The following CNTN5 variants were observed in gnomAD, a reference collection of about 807,000 sequenced individuals.
The protein encoded by CNTN5 is contactin-5.
In CNTN5, 77 loss-of-function variants were observed where a neutral mutation model predicts 129.1. That is an observed-to-expected ratio of 0.60 (90% CI 0.50 to 0.72). The LOEUF (loss-of-function observed/expected upper bound fraction) is 0.72, where lower values mean the gene tolerates loss of function less well. Among genes scored for constraint, CNTN5 ranks in the 30% least tolerant of loss-of-function variants. The pLI is 0.00. For missense variants in CNTN5, 1,478 were observed against 1,328.8 expected (o/e 1.11, Z -1.75); for synonymous variants, 509 against 465.6 (o/e 1.09, Z -1.20).
At chr11:100,039,311 G>T (rs550659046) in intron 9 of CNTN5, among the ~76,000 whole-genome samples, 1 of 152,134 alleles carries the variant, frequency 6.6e-6, no homozygotes, top group Non-Finnish European at 1.5e-5. Context: ...CTCTCTTCTG[G>T]CTTGTAGAGT....
intron 2 of CNTN5, among the ~76,000 whole-genome samples, chr11:99,418,284 A>C (rs936400886): frequency 4.6e-5 from 7 of 152,238 alleles, no homozygotes; most frequent in African/African-American, 1.7e-4. Context: ...AACAACTTTA[A>C]AAAAAAGGTA....
chr11:99,106,649 A>G (rs567495925), intron 1 of CNTN5, among the ~76,000 whole-genome samples: 1 of 152,102 alleles, frequency 6.6e-6, no homozygotes, highest in Non-Finnish European at 1.5e-5. Context: ...ATGAATTAAC[A>G]TATCTTAAAC....
rs536365211 is a variant in CNTN5, at chr11:99,206,420, C to T, written c.-209-118926C>T. Among the ~76,000 whole-genome samples the T allele has an allele frequency of 5.9e-5, 9 of 152,166 alleles. No individual in the cohort carries two copies. The East Asian group carries it at 1.4e-3, about 23-fold the overall frequency. The stretch of plus-strand genomic sequence containing the variant: ...CGTCTCAATGTAAACAAACAAAAAT[C>T]GGCTGCTTTATTTTGTGTGTCTTTT... On this transcript the variant is annotated intron_variant, in intron 1 of 24. Coordinates refer to ENST00000524871, the MANE Select transcript of CNTN5 (RefSeq NM_014361.4).
At chr11:99,155,074 T>A (rs924678702) in intron 1 of CNTN5, among the ~76,000 whole-genome samples, 2 of 152,074 alleles carry the variant, frequency 1.3e-5, no homozygotes, top group African/African-American at 4.8e-5. Context: ...CCAGGATCCA[T>A]GAGGTTCATT....
intron 7 of CNTN5, among the ~76,000 whole-genome samples, chr11:99,950,242 G>C (rs1422583278): frequency 1.3e-5 from 2 of 152,180 alleles, no homozygotes; most frequent in Non-Finnish European, 2.9e-5. Context: ...ATTTTGGAAG[G>C]CCGAGGCGGG....
intron 1 of CNTN5, among the ~76,000 whole-genome samples, chr11:99,038,838 T>C (rs1480131095): frequency 2.0e-5 from 3 of 151,906 alleles, no homozygotes; most frequent in African/African-American, 7.2e-5. Context: ...ATTCATTTTA[T>C]AATGAAAGAT....
Position 99,216,564 on chromosome 11 carries a change from A to G in CNTN5, c.-209-108782A>G, listed in dbSNP as rs115420900. On this transcript the variant is annotated intron_variant, in intron 1 of 24. Coordinates refer to ENST00000524871, the MANE Select transcript of CNTN5 (RefSeq NM_014361.4). Reference sequence around the variant, plus strand: ...TGATCTATCATATGCTGGATAATATAATCCATCATACGCTGGATAATATCT... The same window carrying G: ...TGATCTATCATATGCTGGATAATATGATCCATCATACGCTGGATAATATCT... Among the ~76,000 whole-genome samples, 611 of 152,136 alleles carry G rather than the reference A, an allele frequency of 4.0e-3. 5 individuals carry two copies. Among genetic ancestry groups the G allele is most frequent in the African/African-American group, 0.012 (508 of 41,442 alleles).
chr11:99,997,317 T>G (rs1010224491), intron 8 of CNTN5, among the ~76,000 whole-genome samples: 5 of 152,194 alleles, frequency 3.3e-5, no homozygotes, highest in African/African-American at 1.2e-4. Context: ...CTAGTTATTT[T>G]AATTGTGATG....
At chr11:99,029,288 A>T (rs747187639) in intron 1 of CNTN5, among the ~76,000 whole-genome samples, 1 of 152,036 alleles carries the variant, frequency 6.6e-6, no homozygotes, top group East Asian at 1.9e-4. Flanking sequence ...TCTTTAGAAC[A>T]TCAGCATTTA....
intron 1 of CNTN5, among the ~76,000 whole-genome samples, chr11:99,147,981 A>G (rs1042182193): frequency 1.3e-5 from 2 of 152,136 alleles, no homozygotes; most frequent in Non-Finnish European, 2.9e-5. Flanking sequence ...ACAGAATGGA[A>G]TAACTTTCCA....
At position 99,315,618 on chromosome 11, in the gene CNTN5, T is replaced by C. The variant is rs375761414; in HGVS notation, c.-209-9728T>C. 2.9e-4 allele frequency among the ~76,000 whole-genome samples: 44 copies of C among 149,782 alleles called. 3 individuals are homozygous for C. In the East Asian group the frequency reaches 7.1e-3, roughly 24 times the overall value. On this transcript the variant is annotated intron_variant, in intron 1 of 24. Transcript: ENST00000524871. Reference sequence around the variant, plus strand: ...TATTTTGTGTTGTTTTATTTCGCTTTAGCCAAGAATGCATAGGAAAAAATA... The same window carrying C: ...TATTTTGTGTTGTTTTATTTCGCTTCAGCCAAGAATGCATAGGAAAAAATA...
chr11:99,934,616 A>G (rs1004187464), intron 7 of CNTN5, among the ~76,000 whole-genome samples: 32 of 152,184 alleles, frequency 2.1e-4, no homozygotes, highest in African/African-American at 7.0e-4. Context: ...TGGGCGGGGC[A>G]TGGTTTCTCA....
intron 1 of CNTN5, among the ~76,000 whole-genome samples, chr11:99,234,716 T>C (rs1056936404): frequency 1.3e-5 from 2 of 151,790 alleles, no homozygotes; most frequent in African/African-American, 4.8e-5. Flanking sequence ...TATTTAAAAA[T>C]AAATAATAAT....
intron 16 of CNTN5, among the ~76,000 whole-genome samples, chr11:100,247,875 T>C (rs1949879353): frequency 6.6e-6 from 1 of 152,190 alleles, no homozygotes; most frequent in East Asian, 1.9e-4. Flanking sequence ...GGATGGTTCA[T>C]TGTAGATGAG....
intron 3 of CNTN5, among the ~76,000 whole-genome samples, chr11:99,597,370 G>A (rs1012964286): frequency 6.6e-6 from 1 of 152,120 alleles, no homozygotes; most frequent in Non-Finnish European, 1.5e-5. Flanking sequence ...GTAGTCTCTA[G>A]TAGAATAGAG....
At chr11:99,819,302 TCCCTCCCCTCTC>T (rs1946696730) in intron 3 of CNTN5, among the ~76,000 whole-genome samples, 4 of 4,812 alleles carry the variant, frequency 8.3e-4, no homozygotes, top group Non-Finnish European at 1.2e-3. Flanking sequence ...CTCCTCCCCT[TCCCTCCCCTCTC>T]CTCCCCTCCC....
chr11:99,761,473 G>T (rs1026873807), intron 3 of CNTN5, among the ~76,000 whole-genome samples: 7 of 151,616 alleles, frequency 4.6e-5, no homozygotes, highest in Admixed American at 4.0e-4. Flanking sequence ...TGTCCATGTG[G>T]TCTCATTGTT....
Position 99,844,585 on chromosome 11 carries a change from GAT to G in CNTN5, c.278-260_278-259del, listed in dbSNP as rs1435845780. On this transcript the variant is annotated intron_variant, in intron 4 of 24. Transcript: ENST00000524871. ...TCTGATTTTGAAAAATGAAAACAAA[GAT>G]ATATATTTAAAATATAAATGTCTGA... is the stretch of plus-strand genomic sequence containing the variant. 1.4e-5 allele frequency: 6 copies of G among 418,460 alleles called. No homozygotes were observed. In the East Asian group the frequency reaches 3.9e-4, roughly 27 times the overall value. The allele number at this position is 418,460 out of a possible 1,614,324, so 25.9% of individuals were successfully genotyped here. A position where few individuals can be genotyped will look rare whatever the true frequency, so the allele number is the denominator to read the frequency against.
intron 1 of CNTN5, among the ~76,000 whole-genome samples, chr11:99,123,590 C>T (rs1858466107): frequency 1.3e-5 from 2 of 148,356 alleles, no homozygotes; most frequent in Non-Finnish European, 1.5e-5. Context: ...CTTTTGACAT[C>T]TTCATCATGA....
Sources: gnomAD v4.1 joint callset for allele counts (sites outside exome capture counted in the v4.1 genomes callset) on GRCh38, gnomAD v4.1.1 for gene constraint, MANE v1.5 for transcripts, NCBI Gene and HGNC (gene_info 2026-07-23, HGNC 2026-07-21) for gene names.